PAM: variants seen among roughly 807,000 people sequenced by gnomAD.
PAM encodes the protein peptidylglycine alpha-amidating monooxygenase.
A neutral mutation model predicts 122.1 loss-of-function variants in PAM; 72 were observed. The observed-to-expected ratio is 0.59, with a 90% confidence interval of 0.49 to 0.72. The LOEUF (loss-of-function observed/expected upper bound fraction) is 0.72, where lower values mean the gene tolerates loss of function less well. PAM is among the 30% of genes least tolerant of loss of function. The pLI is 0.00. For synonymous variants in PAM, 389 were observed against 404.4 expected (o/e 0.96, Z 0.46); for missense variants, 1,106 against 1,183.7 (o/e 0.93, Z 0.96).
chr5:102,847,897 T>C (rs750250997), intron 1 of PAM, among the ~76,000 whole-genome samples: 3 of 152,210 alleles, frequency 2.0e-5, no homozygotes, highest in Non-Finnish European at 4.4e-5. Flanking sequence ...TACAAAACAT[T>C]ATTTCTATTA....
At chr5:102,960,098 T>C (rs1762016189) in intron 13 of PAM, 39 bp downstream of exon 13, 1 of 1,155,106 alleles carries the variant, frequency 8.7e-7, no homozygotes, top group Non-Finnish European at 1.2e-6. Context: ...TATATGATTT[T>C]GTATTTTATA....
At chr5:102,939,768 T>C (rs1754489032) in intron 7 of PAM, among the ~76,000 whole-genome samples, 1 of 152,052 alleles carries the variant, frequency 6.6e-6, no homozygotes, top group South Asian at 2.1e-4. Flanking sequence ...CATGCATACA[T>C]AGTTATATGT....
intron 1 of PAM, among the ~76,000 whole-genome samples, chr5:102,830,913 T>G (rs1251453511): frequency 6.6e-6 from 1 of 152,216 alleles, no homozygotes; most frequent in Non-Finnish European, 1.5e-5. Flanking sequence ...TTGTTTTGTT[T>G]TTGGTTATCT....
chr5:102,785,333 TTTGAGAACC>T (rs1258738373), intron 1 of PAM, among the ~76,000 whole-genome samples: 1 of 152,216 alleles, frequency 6.6e-6, no homozygotes, highest in African/African-American at 2.4e-5. Context: ...CCCTTTAAAG[TTTGAGAACC>T]TCTGTTATAA....
Position 102,974,398 on chromosome 5 carries a change from C to A in PAM, c.1445C>A (p.Pro482Gln). 6.2e-7 allele frequency: 1 copy of A among 1,613,768 alleles called. No individual in the cohort carries two copies. The highest frequency in any genetic ancestry group is 8.5e-7 in the Non-Finnish European group (1 of 1,179,752). Residue 482 changes from proline (P) to glutamine (Q), a missense_variant, in exon 15 of 26, where the codon CCA (proline) becomes CAA (glutamine). By Grantham distance (76) the Pro-to-Gln change is moderately conservative (BLOSUM62 -1). Transcript: ENST00000438793. ...AGAGTTTTCTCATTACAGCAGCCCC[C>A]ACCTGGTGAAGGCACCTGGGAACCA... ...ESRVFSLQQP[P>Q]PGEGTWEPEH...
chr5:102,850,408 A>G (rs1482019860), intron 1 of PAM, among the ~76,000 whole-genome samples: 1 of 152,212 alleles, frequency 6.6e-6, no homozygotes, highest in Non-Finnish European at 1.5e-5. Context: ...TTTGCTCCTT[A>G]GAGTTATCTG....
At position 102,952,997 on chromosome 5, in the gene PAM, A is replaced by G. The variant is rs1759466502; in HGVS notation, c.905+2177A>G. Among the ~76,000 whole-genome samples the G allele has an allele frequency of 1.3e-5, 2 of 152,142 alleles. 1 individual carries two copies. The highest frequency in any genetic ancestry group is 4.8e-5 in the African/African-American group (2 of 41,430). The stretch of plus-strand genomic sequence containing the variant: ...GCTGGGGCCAGTAGGTGCCTCCTCC[A>G]TGTACTGCGAGAACTCTCAGCTTCA... On this transcript the variant is annotated intron_variant, in intron 12 of 25. Coordinates refer to ENST00000438793, the MANE Select transcript of PAM (RefSeq NM_001177306.2).
At chr5:102,907,326 AT>A (rs1397975311) in intron 4 of PAM, among the ~76,000 whole-genome samples, 4 of 151,720 alleles carry the variant, frequency 2.6e-5, no homozygotes, top group Non-Finnish European at 4.4e-5. Flanking sequence ...GCTGCATAGT[AT>A]TCCATGGTGT....
chr5:102,959,358 AG>A (rs1328035662), intron 12 of PAM, among the ~76,000 whole-genome samples: 2 of 152,080 alleles, frequency 1.3e-5, no homozygotes, highest in Admixed American at 1.3e-4. Flanking sequence ...GCTGTAAGGA[AG>A]GAGGCAGTTA....
chr5:102,950,648 A>G, intron 11 of PAM, 69 bp from the exon 12 acceptor site: 2 of 935,518 alleles, frequency 2.1e-6, no homozygotes, highest in East Asian at 2.4e-5. Flanking sequence ...ATACCTCAAC[A>G]CAGTCAAACA....
intron 1 of PAM, among the ~76,000 whole-genome samples, chr5:102,861,295 A>C (rs550821609): frequency 6.6e-6 from 1 of 152,184 alleles, no homozygotes; most frequent in African/African-American, 2.4e-5. Context: ...TTCACCTACT[A>C]TGTTTTGGGA....
chr5:103,011,046 C>A (rs539473162), intron 21 of PAM, among the ~76,000 whole-genome samples: 2 of 152,174 alleles, frequency 1.3e-5, no homozygotes, highest in East Asian at 3.9e-4. Context: ...TTTTAAATCT[C>A]TATTTTCTTG....
chr5:103,001,341 A>G (rs1777310774), intron 16 of PAM, among the ~76,000 whole-genome samples: 1 of 152,120 alleles, frequency 6.6e-6, no homozygotes, highest in Non-Finnish European at 1.5e-5. Context: ...ATAATTTAAT[A>G]ATACTATGAG....
At chr5:102,763,723 G>A (rs1753072529) in intron 1 of PAM, among the ~76,000 whole-genome samples, 1 of 152,204 alleles carries the variant, frequency 6.6e-6, no homozygotes. Flanking sequence ...GAAGGGAACA[G>A]AATGAAATCA....
chr5:102,783,903 C>CTT (rs11374963), intron 1 of PAM, among the ~76,000 whole-genome samples: 1 of 146,866 alleles, frequency 6.8e-6, no homozygotes, highest in African/African-American at 2.5e-5. Context: ...CTACCCCCAT[C>CTT]TTTTTTTTTT....
chr5:103,013,899 A>C (rs1294948241), intron 21 of PAM, among the ~76,000 whole-genome samples: 1 of 152,190 alleles, frequency 6.6e-6, no homozygotes, highest in Non-Finnish European at 1.5e-5. Flanking sequence ...TATTTATATA[A>C]ACAAATAAGA....
chr5:103,022,327 GT>G (rs1783793148), intron 23 of PAM, among the ~76,000 whole-genome samples: 1 of 151,798 alleles, frequency 6.6e-6, no homozygotes, highest in African/African-American at 2.4e-5. Context: ...TCAGCCTTCA[GT>G]TCTGTCTGTG....
At chr5:102,842,034 C>G (rs1423137) in intron 1 of PAM, among the ~76,000 whole-genome samples, 11,818 of 151,908 alleles carry the variant, frequency 0.078, 780 homozygotes, top group African/African-American at 0.17. Context: ...GCATATCATA[C>G]ACAAAAATAT....
At chr5:102,799,999 G>T (rs560873421) in intron 1 of PAM, among the ~76,000 whole-genome samples, 1 of 152,276 alleles carries the variant, frequency 6.6e-6, no homozygotes, top group East Asian at 1.9e-4. Flanking sequence ...TACATTTCCA[G>T]TCTTATCCTC....
Sources: allele counts gnomAD v4.1 joint callset (sites outside exome capture counted in the v4.1 genomes callset), GRCh38; gene constraint gnomAD v4.1.1; transcripts MANE v1.5; gene names NCBI Gene and HGNC (gene_info 2026-07-23, HGNC 2026-07-21).